RBM20: variants seen among roughly 807,000 people sequenced by gnomAD.
RBM20 encodes RNA-binding protein 20.
Under a neutral mutation model 110.1 loss-of-function variants are expected in RBM20, and 51 were observed. The observed-to-expected ratio is 0.46, with a 90% confidence interval of 0.37 to 0.59. The LOEUF (loss-of-function observed/expected upper bound fraction) is 0.59, where lower values mean the gene tolerates loss of function less well. RBM20 is among the 20% of genes least tolerant of loss of function. The probability of loss-of-function intolerance (pLI) is 0.00; values close to 1 mark genes in which losing one functional copy is unlikely to be tolerated. For missense variants in RBM20, 1,512 were observed against 1,574.9 expected (o/e 0.96, Z 0.68); for synonymous variants, 589 against 618.2 (o/e 0.95, Z 0.70).
At position 110,781,787 on chromosome 10, in the gene RBM20, C is replaced by T; in HGVS notation, c.1178C>T (p.Pro393Leu). 6.4e-7 allele frequency: 1 copy of T among 1,551,810 alleles called. No homozygotes were observed. Among genetic ancestry groups the T allele is most frequent in the Non-Finnish European group, 8.7e-7 (1 of 1,147,016 alleles). ...KEDQALLSVRPLQAHELNDFH... is the reference protein window; with the variant it reads ...KEDQALLSVRLLQAHELNDFH... Reference sequence around the variant, plus strand: ...GACCAGGCGTTGCTATCTGTGCGGCCCCTGCAGGCTCATGAGCTGAACGAC... The same window carrying T: ...GACCAGGCGTTGCTATCTGTGCGGCTCCTGCAGGCTCATGAGCTGAACGAC... Residue 393 changes from proline to leucine, a missense_variant, in exon 2 of 14, where the codon CCC (proline) becomes CTC (leucine). Physicochemically the swap from Pro to Leu is moderately conservative, Grantham distance 98. Coordinates refer to ENST00000369519, the MANE Select transcript of RBM20 (RefSeq NM_001134363.3).
Position 110,766,313 on chromosome 10 carries a change from G to GT in RBM20, c.192-14477dup, listed in dbSNP as rs113464457. Among the ~76,000 whole-genome samples, 832 of 120,514 alleles carry GT rather than the reference G, an allele frequency of 6.9e-3. 3 individuals are homozygous for GT. Among genetic ancestry groups the GT allele is most frequent in the African/African-American group, 0.023 (747 of 33,012 alleles). The allele number at this position is 120,514 out of a possible 152,430, so 79.1% of individuals were successfully genotyped here. On this transcript the variant is annotated intron_variant, in intron 1 of 13. Transcript: ENST00000369519. Reference sequence around the variant, plus strand: ...TTTAGCTCTACTCTGCAGTAACTTTGTTTTTTTTTTTGTTTTTTGTTTTTT... The same window carrying GT: ...TTTAGCTCTACTCTGCAGTAACTTTGTTTTTTTTTTTTGTTTTTTGTTTTTT...
At chr10:110,727,399 C>CAAAAATAAAAAAAAAT (rs1554893376) in intron 1 of RBM20, among the ~76,000 whole-genome samples, 1 of 83,230 alleles carries the variant, frequency 1.2e-5, no homozygotes, top group African/African-American at 4.4e-5. Flanking sequence ...AAGTCCGTCT[C>CAAAAATAAAAAAAAAT]AAAAAATAAA....
At chr10:110,685,391 T>A (rs1862488141) in intron 1 of RBM20, among the ~76,000 whole-genome samples, 2 of 152,188 alleles carry the variant, frequency 1.3e-5, no homozygotes, top group Admixed American at 1.3e-4. Context: ...CAGGTCAGAC[T>A]CGCAGGGACT....
At chr10:110,665,031 A>G (rs917825243) in intron 1 of RBM20, among the ~76,000 whole-genome samples, 1 of 149,928 alleles carries the variant, frequency 6.7e-6, no homozygotes, top group African/African-American at 2.4e-5. Flanking sequence ...ACATGTCACC[A>G]TGCCTGGCTA....
At chr10:110,732,190 G>A (rs1391443245) in intron 1 of RBM20, among the ~76,000 whole-genome samples, 2 of 152,030 alleles carry the variant, frequency 1.3e-5, no homozygotes, top group Admixed American at 6.5e-5. Context: ...TGCAGTTCTC[G>A]TTGGTTTATC....
intron 1 of RBM20, among the ~76,000 whole-genome samples, chr10:110,765,321 C>T (rs527682691): frequency 3.3e-5 from 5 of 151,788 alleles, no homozygotes; most frequent in African/African-American, 1.2e-4. Context: ...TGAAACATCT[C>T]GTATGTGTTG....
At position 110,811,177 on chromosome 10, in the gene RBM20, C is replaced by T. The variant is rs1390588764; in HGVS notation, c.1880+715C>T. Among the ~76,000 whole-genome samples the T allele has an allele frequency of 2.6e-5, 4 of 152,342 alleles. No homozygotes were observed. The East Asian group carries it at 7.7e-4, about 29-fold the overall frequency. ...GGGGTGGCCACAGTCGGTGCTGTCA[C>T]TTCCCTGTAGAGGGCACAAGCCCAG... On this transcript the variant is annotated intron_variant, in intron 8 of 13. Transcript: ENST00000369519.
intron 9 of RBM20, among the ~76,000 whole-genome samples, 159 bp from the exon 10 acceptor site, chr10:110,819,913 C>T (rs1844886431): frequency 6.6e-6 from 1 of 152,202 alleles, no homozygotes; most frequent in Non-Finnish European, 1.5e-5. Context: ...AACGAAGATG[C>T]TGATAGCAGC....
At chr10:110,784,288 A>T (rs1000208280) in intron 3 of RBM20, 53 bp from the exon 4 acceptor site, 17 of 1,315,636 alleles carry the variant, frequency 1.3e-5, no homozygotes, top group Non-Finnish European at 1.6e-5. Flanking sequence ...GTCACATGCT[A>T]ATTCTTTGTT....
At chr10:110,758,297 G>A (rs78921960) in intron 1 of RBM20, among the ~76,000 whole-genome samples, 2 of 151,992 alleles carry the variant, frequency 1.3e-5, no homozygotes, top group Non-Finnish European at 2.9e-5. Context: ...GATTACATAC[G>A]TGAGCCACTG....
intron 5 of RBM20, among the ~76,000 whole-genome samples, chr10:110,788,587 C>T (rs528523804): frequency 1.3e-5 from 2 of 152,320 alleles, no homozygotes; most frequent in African/African-American, 2.4e-5. Context: ...GCTGGTCCCC[C>T]GGTTTGCCAT....
At chr10:110,712,744 G>C (rs928836778) in intron 1 of RBM20, among the ~76,000 whole-genome samples, 26 of 152,168 alleles carry the variant, frequency 1.7e-4, no homozygotes, top group African/African-American at 5.8e-4. Flanking sequence ...TCCAGCCTGG[G>C]TGTCAGAACA....
At chr10:110,718,767 A>G (rs1843468000) in intron 1 of RBM20, among the ~76,000 whole-genome samples, 5 of 151,706 alleles carry the variant, frequency 3.3e-5, no homozygotes, top group Admixed American at 3.3e-4. Flanking sequence ...ACCCGCCACA[A>G]TGCCCGGCTA....
intron 12 of RBM20, chr10:110,827,845 T>A (rs1845001370): frequency 6.6e-6 from 1 of 152,156 alleles, no homozygotes; most frequent in Non-Finnish European, 1.5e-5. Flanking sequence ...GCATGGAGAC[T>A]TCTAGGGAGG....
chr10:110,781,932 G>A, intron 2 of RBM20, 48 bp downstream of exon 2: 1 of 1,550,910 alleles, frequency 6.4e-7, no homozygotes, highest in Non-Finnish European at 8.7e-7. Context: ...AGCCTGGGCA[G>A]GCCTTTCCCC....
intron 1 of RBM20, among the ~76,000 whole-genome samples, chr10:110,751,861 G>A (rs1843857897): frequency 6.6e-6 from 1 of 152,132 alleles, no homozygotes; most frequent in South Asian, 2.1e-4. Flanking sequence ...CCTCTGCTCA[G>A]GCACACTTTT....
chr10:110,753,180 G>A (rs376343164), intron 1 of RBM20, among the ~76,000 whole-genome samples: 101 of 151,712 alleles, frequency 6.7e-4, no homozygotes, highest in African/African-American at 2.2e-3. Context: ...CTTGTGATCC[G>A]CCTCGGCCTC....
intron 1 of RBM20, among the ~76,000 whole-genome samples, chr10:110,712,637 C>T (rs1246109695): frequency 6.6e-6 from 1 of 152,128 alleles, no homozygotes; most frequent in East Asian, 1.9e-4. Flanking sequence ...CGTGGCAGTG[C>T]CTGCCTTTAA....
intron 1 of RBM20, among the ~76,000 whole-genome samples, chr10:110,778,598 G>A (rs1764894338): frequency 3.3e-5 from 5 of 152,200 alleles, no homozygotes. Context: ...CATGCTTATT[G>A]TACAGCATGC....
Sources: allele counts gnomAD v4.1 joint callset (sites outside exome capture counted in the v4.1 genomes callset), GRCh38; gene constraint gnomAD v4.1.1; transcripts MANE v1.5; gene names NCBI Gene and HGNC (gene_info 2026-07-23, HGNC 2026-07-21).